Variants in HPS3 observed in about 807,000 individuals in gnomAD.
HPS3 encodes HPS3 biogenesis of lysosomal organelles complex 2 subunit 1, also known as BLOC-2 complex member HPS3.
In HPS3, 79 loss-of-function variants were observed where a neutral mutation model predicts 110.9. That is an observed-to-expected ratio of 0.71 (90% CI 0.59 to 0.86). HPS3 has a LOEUF of 0.86. Ranked by LOEUF, HPS3 falls within the 40% of genes least tolerant of loss-of-function variation. The pLI, the probability that HPS3 is intolerant of heterozygous loss-of-function variation, is 0.00. For synonymous variants in HPS3, 428 were observed against 451.0 expected, an observed-to-expected ratio of 0.95 and a Z score of 0.65; for missense variants, 1,197 against 1,206.2, an observed-to-expected ratio of 0.99 and a Z score of 0.11.
rs1245464556 is a variant in HPS3 at position 149,141,035 on chromosome 3, C to G, written c.731C>G (p.Ser244Ter). The change falls in exon 3 of 17, where the codon TCA (serine) becomes TGA (stop). Residue 244 changes from serine (S) to a stop codon, truncating the protein, a stop_gained. Coordinates refer to ENST00000296051, the MANE Select transcript of HPS3 (RefSeq NM_032383.5). LOFTEE classifies it high-confidence loss of function. ...TTTTAAGGCATCAGTAATGAAATTT[C>G]ACAGCTTGAGTCAGATGATTTTGTC... ...RTEEGISNEI[S>*]QLESDDFVIC... is the part of the protein sequence containing the mutation. 5 of 1,613,820 alleles carry G rather than the reference C, an allele frequency of 3.1e-6. No homozygotes were observed. The highest frequency in any genetic ancestry group is 4.2e-6 in the Non-Finnish European group (5 of 1,179,894).
Position 149,140,206 on chromosome 3 carries a change from C to A in HPS3, c.420C>A (p.Ser140=), listed in dbSNP as rs1722353197. ...TTTCGGAGGCCCCCTTGTGCATTTC[C>A]TGTTGCCCTGTGAAAGGAGACCTTC... ...MPLSEAPLCI[S]CCPVKGDLLV... Residue 140 remains serine (S), a synonymous_variant, in exon 2 of 17, where the codon TCC becomes TCA. Transcript: ENST00000296051. 6.2e-7 allele frequency: 1 copy of A among 1,614,072 alleles called. No homozygotes were observed. Among genetic ancestry groups the A allele is most frequent in the African/African-American group, 1.3e-5 (1 of 74,924 alleles).
At chr3:149,165,181 A>C (rs1165044336) in intron 14 of HPS3, among the ~76,000 whole-genome samples, 1 of 152,198 alleles carries the variant, frequency 6.6e-6, no homozygotes, top group Non-Finnish European at 1.5e-5. Context: ...TTGCTTGAGC[A>C]TGTGCTGTAG....
chr3:149,161,234 GA>G (rs1454127336), intron 11 of HPS3, among the ~76,000 whole-genome samples: 1 of 152,114 alleles, frequency 6.6e-6, no homozygotes, highest in East Asian at 1.9e-4. Flanking sequence ...AAAAACTTAA[GA>G]TATATTAGTC....
rs946156523 is a variant in HPS3 at position 149,171,289 on chromosome 3, T to C, written c.2888-806T>C. Among the ~76,000 whole-genome samples, 21 of 148,910 alleles carry C rather than the reference T, an allele frequency of 1.4e-4. No individual in the cohort carries two copies. In the South Asian group the frequency reaches 4.1e-3, roughly 29 times the overall value. On this transcript the variant is annotated intron_variant, in intron 16 of 16. Transcript: ENST00000296051. ...GAGACTCCGTCTCAAAAAAAAAAAATATATTGTTCATTAGAACACCATTGC... is the reference window on the plus strand; with the variant it reads ...GAGACTCCGTCTCAAAAAAAAAAAACATATTGTTCATTAGAACACCATTGC...
chr3:149,137,110 A>T (rs1310410704), intron 1 of HPS3, among the ~76,000 whole-genome samples: 5 of 152,200 alleles, frequency 3.3e-5, no homozygotes, highest in Non-Finnish European at 7.4e-5. Context: ...ACAATAAAGA[A>T]CTCTTACAAC....
chr3:149,145,277 G>A, intron 4 of HPS3, 77 bp from the exon 5 acceptor site: 1 of 1,154,324 alleles, frequency 8.7e-7, no homozygotes, highest in South Asian at 1.2e-5. Context: ...AGTTTGCATA[G>A]CAAAGTCAAT....
chr3:149,158,267 C>A (rs1405494081), intron 9 of HPS3, among the ~76,000 whole-genome samples: 3 of 152,160 alleles, frequency 2.0e-5, no homozygotes, highest in Non-Finnish European at 4.4e-5. Context: ...CTCCTATAAA[C>A]ACCATTATTT....
chr3:149,171,698 C>CT (rs1170000443), intron 16 of HPS3, among the ~76,000 whole-genome samples: 5,260 of 118,252 alleles, frequency 0.044, 240 homozygotes, highest in African/African-American at 0.061. Context: ...GAACTGGCTT[C>CT]TTTTTTTTTT....
At position 149,142,077 on chromosome 3, in the gene HPS3, C is replaced by T. The variant is rs114274929; in HGVS notation, c.970+697C>T. On this transcript the variant is annotated intron_variant, in intron 4 of 16. Transcript: ENST00000296051. The stretch of plus-strand genomic sequence containing the variant: ...GTTGGTCAGGCTGGTCTCGAACTCC[C>T]GACCTCATTGATCCGCCCACCTCGG... Among the ~76,000 whole-genome samples, 1,392 of 151,956 alleles carry T rather than the reference C, an allele frequency of 9.2e-3. 7 individuals are homozygous for T. The highest frequency in any genetic ancestry group is 0.032 in the African/African-American group (1,335 of 41,446).
At chr3:149,163,787 A>T in intron 13 of HPS3, 55 bp from the exon 14 acceptor site, 1 of 949,144 alleles carries the variant, frequency 1.1e-6, no homozygotes. Flanking sequence ...TGTGGAATGG[A>T]TAAGCAAGCT....
chr3:149,169,570 T>C (rs1724774662), intron 16 of HPS3, among the ~76,000 whole-genome samples: 1 of 152,194 alleles, frequency 6.6e-6, no homozygotes, highest in African/African-American at 2.4e-5. Flanking sequence ...CATTTTAGGA[T>C]ATTAAACAGT....
At position 149,129,950 on chromosome 3, in the gene HPS3, C is replaced by T. The variant is rs1021101977; in HGVS notation, c.217+10C>T. 2 of 1,537,348 alleles carry T rather than the reference C, an allele frequency of 1.3e-6. No individual in the cohort carries two copies. Among genetic ancestry groups the T allele is most frequent in the Non-Finnish European group, 1.7e-6 (2 of 1,147,836 alleles). On this transcript the variant is annotated intron_variant, in intron 1 of 16. Transcript: ENST00000296051. ...GCCTACAGCGAGGCTGGTGAGTAATCTAGAGAGCCAGGGGCCGCCTGGGGT... is the reference window on the plus strand; with the variant it reads ...GCCTACAGCGAGGCTGGTGAGTAATTTAGAGAGCCAGGGGCCGCCTGGGGT...
intron 16 of HPS3, among the ~76,000 whole-genome samples, chr3:149,171,852 G>T (rs1457962634): frequency 6.6e-6 from 1 of 151,948 alleles, no homozygotes. Context: ...TTACAGGTGT[G>T]CGCCACCATG....
chr3:149,139,459 C>G (rs1238558980), intron 1 of HPS3, among the ~76,000 whole-genome samples: 1 of 152,286 alleles, frequency 6.6e-6, no homozygotes, highest in East Asian at 1.9e-4. Flanking sequence ...ACCATTTTGA[C>G]TTCCCACAAC....
chr3:149,162,939 CTTATTTTT>C, intron 13 of HPS3, 61 bp downstream of exon 13: 1 of 1,308,716 alleles, frequency 7.6e-7, no homozygotes, highest in South Asian at 1.2e-5. Flanking sequence ...AAAAACATAC[CTTATTTTT>C]AATAACTTAT....
chr3:149,151,317 A>T lies in HPS3; in HGVS notation c.1245+637A>T, dbSNP rs1723097744. Among the ~76,000 whole-genome samples, 3 of 151,926 alleles carry T rather than the reference A, an allele frequency of 2.0e-5. No individual in the cohort carries two copies. The South Asian group carries it at 6.2e-4, about 32-fold the overall frequency. ...CAAAATGGTGGGATTACAGGCATGA[A>T]CCACCATGCCTGGCCCAATTGTATT... On this transcript the variant is annotated intron_variant, in intron 6 of 16. Coordinates refer to ENST00000296051, the MANE Select transcript of HPS3 (RefSeq NM_032383.5).
At chr3:149,135,347 A>C (rs1208793148) in intron 1 of HPS3, among the ~76,000 whole-genome samples, 1 of 152,142 alleles carries the variant, frequency 6.6e-6, no homozygotes, top group African/African-American at 2.4e-5. Context: ...TGTAGTCCCC[A>C]TAACCCCCAC....
chr3:149,162,588 T>C, intron 12 of HPS3, 102 bp from the exon 13 acceptor site: 1 of 1,270,698 alleles, frequency 7.9e-7, no homozygotes, highest in Non-Finnish European at 1.1e-6. Flanking sequence ...TGGTAAATTA[T>C]TGATTGCGTG....
intron 1 of HPS3, among the ~76,000 whole-genome samples, chr3:149,133,053 T>A (rs1460090052): frequency 6.6e-6 from 1 of 152,230 alleles, no homozygotes; most frequent in Non-Finnish European, 1.5e-5. Flanking sequence ...AAGTGGTTTC[T>A]TGAGATGGAA....
Sources: gnomAD v4.1 joint callset for allele counts (sites outside exome capture counted in the v4.1 genomes callset) on GRCh38, gnomAD v4.1.1 for gene constraint, MANE v1.5 for transcripts, NCBI Gene and HGNC (gene_info 2026-07-23, HGNC 2026-07-21) for gene names.